The following CADPS2 variants were observed in gnomAD, a reference collection of about 807,000 sequenced individuals.
The protein encoded by CADPS2 is calcium dependent secretion activator 2.
A neutral mutation model predicts 172.5 loss-of-function variants in CADPS2; 93 were observed. That is an observed-to-expected ratio of 0.54 (90% CI 0.46 to 0.64). The LOEUF is 0.64. CADPS2 is among the 30% of genes least tolerant of loss of function. CADPS2 has a pLI of 0.00. For missense variants in CADPS2, 1,420 were observed against 1,565.9 expected, an observed-to-expected ratio of 0.91 and a Z score of 1.57; for synonymous variants, 546 against 555.2, an observed-to-expected ratio of 0.98 and a Z score of 0.23.
intron 15 of CADPS2, among the ~76,000 whole-genome samples, chr7:122,444,524 G>A (rs1307636545): frequency 7.9e-5 from 12 of 152,166 alleles, no homozygotes; most frequent in Admixed American, 2.6e-4. Context: ...AGTATGCAGT[G>A]GTATCTAACT....
chr7:122,825,592 G>T (rs1804654697), intron 1 of CADPS2, among the ~76,000 whole-genome samples: 1 of 152,142 alleles, frequency 6.6e-6, no homozygotes, highest in Non-Finnish European at 1.5e-5. Context: ...AAACAGGGCT[G>T]AAAGATTTTT....
chr7:122,396,318 C>A (rs949685509), intron 20 of CADPS2, among the ~76,000 whole-genome samples: 2 of 152,060 alleles, frequency 1.3e-5, no homozygotes, highest in Non-Finnish European at 2.9e-5. Context: ...AGTAAGTTAC[C>A]GTGCTCTCTT....
Position 122,621,636 on chromosome 7 carries a change from T to C in CADPS2, c.949A>G (p.Met317Val), listed in dbSNP as rs1167120722. The change falls in exon 5 of 30, where the codon ATG (methionine) becomes GTG (valine). Residue 317 changes from methionine (M) to valine (V), a missense_variant. Met to Val is a conservative substitution (Grantham distance 21, BLOSUM62 1). Coordinates refer to ENST00000449022, the MANE Select transcript of CADPS2 (RefSeq NM_017954.11). ...ACTGGAAGACTTTCCAAATTGGCCA[T>C]TAGCAAATTCACTGAAGACCGCAAC... is the stretch of plus-strand genomic sequence containing the variant. ...EELRSSVNLL[M>V]ANLESLPVSK... The C allele has an allele frequency of 6.2e-7, 1 of 1,613,442 alleles. No homozygotes were observed. The highest frequency in any genetic ancestry group is 8.5e-7 in the Non-Finnish European group (1 of 1,179,516).
At chr7:122,481,550 G>A (rs2057306410) in intron 11 of CADPS2, among the ~76,000 whole-genome samples, 3 of 151,994 alleles carry the variant, frequency 2.0e-5, no homozygotes, top group Admixed American at 6.6e-5. Flanking sequence ...GACCAGCCTG[G>A]CCAACGTGGA....
intron 1 of CADPS2, among the ~76,000 whole-genome samples, chr7:122,775,673 A>G (rs1387201617): frequency 6.6e-6 from 1 of 152,178 alleles, no homozygotes; most frequent in Non-Finnish European, 1.5e-5. Flanking sequence ...TTAACACTAT[A>G]AATGATATCT....
At chr7:122,795,577 T>C (rs544950652) in intron 1 of CADPS2, among the ~76,000 whole-genome samples, 1 of 152,216 alleles carries the variant, frequency 6.6e-6, no homozygotes, top group South Asian at 2.1e-4. Context: ...AGTCAATAAA[T>C]ATGATTTATC....
chr7:122,851,905 A>C (rs1484166086), intron 1 of CADPS2, among the ~76,000 whole-genome samples: 2 of 152,176 alleles, frequency 1.3e-5, no homozygotes, highest in Non-Finnish European at 2.9e-5. Context: ...CAGAGCCCTT[A>C]CTGTATAGAC....
chr7:122,361,387 C>G (rs1236564613), intron 25 of CADPS2, among the ~76,000 whole-genome samples: 1 of 151,934 alleles, frequency 6.6e-6, no homozygotes, highest in Non-Finnish European at 1.5e-5. Flanking sequence ...GCGTCCGCCA[C>G]CACACCTGGC....
intron 8 of CADPS2, among the ~76,000 whole-genome samples, chr7:122,552,096 C>T (rs1014557874): frequency 2.0e-5 from 3 of 152,116 alleles, no homozygotes; most frequent in Non-Finnish European, 4.4e-5. Context: ...CTCTAACTGT[C>T]CCTGTCCATA....
chr7:122,836,978 C>A (rs1209848527), intron 1 of CADPS2, among the ~76,000 whole-genome samples: 1 of 152,186 alleles, frequency 6.6e-6, no homozygotes, highest in Non-Finnish European at 1.5e-5. Context: ...AATATACATT[C>A]TTCTCAGCAC....
intron 22 of CADPS2, among the ~76,000 whole-genome samples, 185 bp from the exon 23 acceptor site, chr7:122,388,923 G>A (rs1448830923): frequency 6.6e-6 from 1 of 151,958 alleles, no homozygotes; most frequent in Non-Finnish European, 1.5e-5. Flanking sequence ...TAATAAGGCA[G>A]GGCAAGGAGA....
At chr7:122,645,524 A>T (rs1174485483) in intron 3 of CADPS2, among the ~76,000 whole-genome samples, 6 of 29,274 alleles carry the variant, frequency 2.0e-4, no homozygotes, top group Non-Finnish European at 3.7e-4. Context: ...TTATATATAT[A>T]TAAGTATATA....
At chr7:122,845,283 G>A (rs1228000838) in intron 1 of CADPS2, among the ~76,000 whole-genome samples, 3 of 152,120 alleles carry the variant, frequency 2.0e-5, no homozygotes, top group African/African-American at 7.2e-5. Flanking sequence ...AGGGACCCAG[G>A]ACTTATTCTA....
intron 1 of CADPS2, among the ~76,000 whole-genome samples, chr7:122,783,916 C>A (rs2139471092): frequency 6.6e-6 from 1 of 152,296 alleles, no homozygotes; most frequent in East Asian, 1.9e-4. Flanking sequence ...TATGCAAACT[C>A]TCAGGCCTTC....
chr7:122,614,198 G>T (rs2074629353), intron 6 of CADPS2, among the ~76,000 whole-genome samples: 2 of 152,146 alleles, frequency 1.3e-5, no homozygotes, highest in South Asian at 4.2e-4. Context: ...GATCCCAGAG[G>T]TCATGAGAGA....
chr7:122,430,708 T>G (rs1312948585), intron 17 of CADPS2, among the ~76,000 whole-genome samples: 1 of 152,228 alleles, frequency 6.6e-6, no homozygotes, highest in African/African-American at 2.4e-5. Context: ...AACAGCTGCT[T>G]TCTAGAAATG....
chr7:122,510,325 C>T (rs2059920721), intron 9 of CADPS2, among the ~76,000 whole-genome samples: 1 of 152,044 alleles, frequency 6.6e-6, no homozygotes, highest in Non-Finnish European at 1.5e-5. Flanking sequence ...ACTATATTGG[C>T]ATCAGAATAT....
At chr7:122,480,915 A>G in intron 11 of CADPS2, 55 bp from the exon 12 acceptor site, 2 of 1,329,746 alleles carry the variant, frequency 1.5e-6, no homozygotes, top group Non-Finnish European at 2.0e-6. Flanking sequence ...GTTGGGAACT[A>G]TATACTTATA....
chr7:122,319,928 A>G lies in CADPS2; in HGVS notation c.*237T>C. The G allele has an allele frequency of 5.0e-6, 2 of 398,468 alleles. No individual in the cohort carries two copies. The highest frequency in any genetic ancestry group is 8.8e-6 in the Non-Finnish European group (2 of 228,204). The allele number at this position is 398,468 out of a possible 1,614,324, so 24.7% of individuals were successfully genotyped here. ...GTTCATTTTTAGGTCAAACTACACA[A>G]AAGAGGATGCTCTTCTCCAAAAAAA... is the stretch of plus-strand genomic sequence containing the variant. On this transcript the variant is annotated 3_prime_UTR_variant, in exon 30 of 30. Coordinates refer to ENST00000449022, the MANE Select transcript of CADPS2 (RefSeq NM_017954.11).
Sources: allele counts gnomAD v4.1 joint callset (sites outside exome capture counted in the v4.1 genomes callset), GRCh38; gene constraint gnomAD v4.1.1; transcripts MANE v1.5; gene names NCBI Gene and HGNC (gene_info 2026-07-23, HGNC 2026-07-21).